Variants in DCDC1 observed in about 807,000 individuals in gnomAD.
The protein encoded by DCDC1 is doublecortin domain-containing protein 1.
A neutral mutation model predicts 178.3 loss-of-function variants in DCDC1; 200 were observed. That is an observed-to-expected ratio of 1.12 (90% CI 1.00 to 1.26). DCDC1 has a LOEUF of 1.26. Ranked by LOEUF, DCDC1 falls within the 50% of genes most tolerant of loss-of-function variation. The probability of loss-of-function intolerance (pLI) is 0.00; values close to 1 mark genes in which losing one functional copy is unlikely to be tolerated. For synonymous variants in DCDC1, 690 were observed against 604.8 expected (o/e 1.14, Z -2.07); for missense variants, 1,983 against 1,749.2 (o/e 1.13, Z -2.38).
At chr11:31,083,340 C>T (rs1243930939) in intron 17 of DCDC1, among the ~76,000 whole-genome samples, 26 of 152,220 alleles carry the variant, frequency 1.7e-4, no homozygotes, top group Non-Finnish European at 1.9e-4. Flanking sequence ...ATTTAAGAAA[C>T]GTACAGACTA....
intron 21 of DCDC1, among the ~76,000 whole-genome samples, chr11:30,937,762 C>T (rs1050087837): frequency 4.6e-5 from 7 of 152,104 alleles, no homozygotes; most frequent in Non-Finnish European, 7.4e-5. Context: ...CCTTATGTAG[C>T]TCCCCAACCC....
rs1039953976 is a variant in DCDC1, at chr11:31,305,871, A to G, written c.592-94T>C. ...AAAGGTTCTAATGATCAAAATAGAA[A>G]CCCAATTGAGTCACTTGCCAATACA... On this transcript the variant is annotated intron_variant, in intron 5 of 38. Coordinates refer to ENST00000684477, the MANE Select transcript of DCDC1 (RefSeq NM_001387274.1). 4.3e-6 allele frequency: 6 copies of G among 1,411,186 alleles called. No homozygotes were observed. In the African/African-American group the frequency reaches 7.2e-5, roughly 17 times the overall value. 87.4% of individuals were successfully genotyped at this position (1,411,186 alleles called of 1,614,324 possible).
chr11:31,023,287 T>G (rs1953009564), intron 20 of DCDC1, among the ~76,000 whole-genome samples: 1 of 152,080 alleles, frequency 6.6e-6, no homozygotes, highest in African/African-American at 2.4e-5. Flanking sequence ...ATATATGTAA[T>G]AATATATGTA....
chr11:30,876,665 G>A (rs1449816257), intron 38 of DCDC1, among the ~76,000 whole-genome samples: 2 of 152,152 alleles, frequency 1.3e-5, no homozygotes, highest in Admixed American at 6.6e-5. Context: ...ATGCAACAGT[G>A]ATGACTTCAC....
intron 1 of DCDC1, among the ~76,000 whole-genome samples, chr11:31,367,955 G>A (rs1384741131): frequency 1.3e-5 from 2 of 152,148 alleles, no homozygotes; most frequent in African/African-American, 4.8e-5. Flanking sequence ...GTGAAGAAAT[G>A]GGACTGCTAT....
At chr11:31,010,966 T>TA (rs1180817307) in intron 20 of DCDC1, among the ~76,000 whole-genome samples, 1 of 152,140 alleles carries the variant, frequency 6.6e-6, no homozygotes, top group East Asian at 1.9e-4. Context: ...TTATATTTTT[T>TA]AAAAAACCTA....
At chr11:31,033,351 T>C (rs1953798129) in intron 20 of DCDC1, among the ~76,000 whole-genome samples, 1 of 152,166 alleles carries the variant, frequency 6.6e-6, no homozygotes, top group African/African-American at 2.4e-5. Flanking sequence ...CATGATCTTA[T>C]TTTTGTTTCT....
intron 3 of DCDC1, among the ~76,000 whole-genome samples, chr11:31,326,557 A>C (rs1025620190): frequency 6.6e-6 from 1 of 152,182 alleles, no homozygotes; most frequent in African/African-American, 2.4e-5. Context: ...TTTTTTTATA[A>C]TAAGTCATGA....
At chr11:31,086,638 A>C (rs1957494200) in intron 17 of DCDC1, among the ~76,000 whole-genome samples, 1 of 152,174 alleles carries the variant, frequency 6.6e-6, no homozygotes, top group South Asian at 2.1e-4. Context: ...AAGGTCACAA[A>C]TAGTTTCTCC....
At chr11:31,071,843 C>T (rs1956584816) in intron 18 of DCDC1, among the ~76,000 whole-genome samples, 1 of 152,158 alleles carries the variant, frequency 6.6e-6, no homozygotes, top group Non-Finnish European at 1.5e-5. Context: ...TGCCTCTGGG[C>T]TACAGCAAGT....
chr11:31,008,711 C>A (rs1951996689), intron 20 of DCDC1, among the ~76,000 whole-genome samples: 1 of 152,150 alleles, frequency 6.6e-6, no homozygotes, highest in Admixed American at 6.5e-5. Context: ...AACTGGGATG[C>A]TTGCAAACGG....
chr11:31,256,772 T>G (rs994326860), intron 8 of DCDC1, among the ~76,000 whole-genome samples: 7 of 152,160 alleles, frequency 4.6e-5, no homozygotes, highest in African/African-American at 1.7e-4. Flanking sequence ...ATTTGCTTAT[T>G]ATAATAAGCA....
chr11:31,233,924 G>T (rs890480642), intron 9 of DCDC1, among the ~76,000 whole-genome samples: 3 of 152,128 alleles, frequency 2.0e-5, no homozygotes, highest in Admixed American at 1.3e-4. Context: ...TGAGACTGAG[G>T]AACCCAATTT....
At chr11:31,341,060 G>A (rs1330671793) in intron 1 of DCDC1, among the ~76,000 whole-genome samples, 2 of 152,144 alleles carry the variant, frequency 1.3e-5, no homozygotes, top group Non-Finnish European at 2.9e-5. Context: ...CCGTGAACCT[G>A]CTGGAGTTTG....
intron 8 of DCDC1, among the ~76,000 whole-genome samples, chr11:31,261,320 A>G (rs1944765958): frequency 1.3e-5 from 2 of 152,158 alleles, no homozygotes; most frequent in African/African-American, 4.8e-5. Context: ...AAAGGTTAAT[A>G]GATTTTTGAA....
At chr11:31,151,592 A>G (rs1015653056) in intron 9 of DCDC1, among the ~76,000 whole-genome samples, 5 of 152,222 alleles carry the variant, frequency 3.3e-5, no homozygotes, top group Non-Finnish European at 5.9e-5. Flanking sequence ...CTAATACAAT[A>G]CAACAATTAA....
intron 9 of DCDC1, among the ~76,000 whole-genome samples, chr11:31,146,089 T>C (rs1347591431): frequency 2.0e-5 from 3 of 151,706 alleles, no homozygotes; most frequent in African/African-American, 7.3e-5. Context: ...TTTTTTTTTT[T>C]TGAGAAGGAG....
intron 7 of DCDC1, among the ~76,000 whole-genome samples, chr11:31,268,048 A>G (rs1185705251): frequency 6.6e-6 from 1 of 152,178 alleles, no homozygotes; most frequent in Non-Finnish European, 1.5e-5. Flanking sequence ...GGTCTCATAG[A>G]CTGTAAGCAA....
chr11:30,888,102 GAAAGAAAGAAAGAAAGAA>G (rs1565029737), intron 36 of DCDC1, among the ~76,000 whole-genome samples: 1 of 47,666 alleles, frequency 2.1e-5, no homozygotes, highest in African/African-American at 8.6e-5. Flanking sequence ...GAAAGAAAAA[GAAAGAAAGAAAGAAAGAA>G]AGAAAGAAAG....
Sources: gnomAD v4.1 joint callset for allele counts (sites outside exome capture counted in the v4.1 genomes callset) on GRCh38, gnomAD v4.1.1 for gene constraint, MANE v1.5 for transcripts, NCBI Gene and HGNC (gene_info 2026-07-23, HGNC 2026-07-21) for gene names.